The following CA10 variants were observed in gnomAD, a reference collection of about 807,000 sequenced individuals.
The protein encoded by CA10 is carbonic anhydrase 10 (inactive), also known as carbonic anhydrase-related protein 10.
A neutral mutation model predicts 44.2 loss-of-function variants in CA10; 14 were observed. The ratio of observed to expected loss-of-function variants is 0.32; its 90% CI spans 0.21 to 0.50. The LOEUF is 0.50. Among genes scored for constraint, CA10 ranks in the 20% least tolerant of loss-of-function variants. The pLI is 0.99. For synonymous variants in CA10, 159 were observed against 141.6 expected, an observed-to-expected ratio of 1.12 and a Z score of -0.87; for missense variants, 350 against 409.7, an observed-to-expected ratio of 0.85 and a Z score of 1.26.
intron 2 of CA10, among the ~76,000 whole-genome samples, chr17:51,962,514 G>C (rs577003815): frequency 5.9e-5 from 9 of 152,138 alleles, no homozygotes; most frequent in Non-Finnish European, 8.8e-5. Flanking sequence ...GCTTCTACTG[G>C]TAAACAAGAA....
intron 3 of CA10, among the ~76,000 whole-genome samples, chr17:51,913,907 A>G (rs1271810162): frequency 3.3e-5 from 5 of 152,150 alleles, no homozygotes; most frequent in African/African-American, 9.7e-5. Flanking sequence ...TTAAATTTCC[A>G]TCTATTACCA....
At chr17:51,635,597 A>G (rs1373376656) in intron 7 of CA10, among the ~76,000 whole-genome samples, 1 of 152,116 alleles carries the variant, frequency 6.6e-6, no homozygotes, top group Non-Finnish European at 1.5e-5. Context: ...TCAGCAAACC[A>G]CTAGAAGCTA....
intron 2 of CA10, among the ~76,000 whole-genome samples, chr17:52,071,784 C>A (rs922773724): frequency 1.3e-5 from 2 of 152,176 alleles, no homozygotes; most frequent in African/African-American, 4.8e-5. Flanking sequence ...GGAGGAGACA[C>A]AGGGACCCTC....
At chr17:52,032,507 T>G (rs1986497923) in intron 2 of CA10, among the ~76,000 whole-genome samples, 1 of 152,144 alleles carries the variant, frequency 6.6e-6, no homozygotes, top group African/African-American at 2.4e-5. Context: ...TTCTTTTCCT[T>G]TAGTTACTGT....
At position 51,779,223 on chromosome 17, in the gene CA10, G is replaced by A. The variant is rs538587833; in HGVS notation, c.280-31405C>T. Among the ~76,000 whole-genome samples the A allele has an allele frequency of 3.2e-4, 49 of 152,190 alleles. No individual in the cohort carries two copies. The South Asian group carries it at 3.5e-3, about 11-fold the overall frequency. Reference sequence around the variant, plus strand: ...GCCCTGTGGAGGGGCCTGGTGTCTCGGGGCTCCCTGTTTGTTACCCCTGCT... The same window carrying A: ...GCCCTGTGGAGGGGCCTGGTGTCTCAGGGCTCCCTGTTTGTTACCCCTGCT... On this transcript the variant is annotated intron_variant, in intron 3 of 8. Transcript: ENST00000451037.
chr17:52,073,582 A>G (rs1442091340), intron 1 of CA10, among the ~76,000 whole-genome samples: 1 of 152,168 alleles, frequency 6.6e-6, no homozygotes, highest in Non-Finnish European at 1.5e-5. Flanking sequence ...AAGAGAGACA[A>G]AGAGCTTATT....
chr17:51,965,317 C>T (rs1984040929), intron 2 of CA10, among the ~76,000 whole-genome samples: 2 of 151,868 alleles, frequency 1.3e-5, no homozygotes, highest in South Asian at 2.1e-4. Context: ...AAGCTAGTAT[C>T]AATTTTACTG....
At chr17:52,101,126 A>T (rs1291676042) in intron 1 of CA10, among the ~76,000 whole-genome samples, 2 of 152,076 alleles carry the variant, frequency 1.3e-5, no homozygotes, top group Admixed American at 1.3e-4. Flanking sequence ...TGCTGGCAGG[A>T]TTTTTTTGGG....
At chr17:51,969,456 T>C (rs1416043627) in intron 2 of CA10, among the ~76,000 whole-genome samples, 1 of 152,074 alleles carries the variant, frequency 6.6e-6, no homozygotes, top group Non-Finnish European at 1.5e-5. Context: ...TACACCACAC[T>C]GATAGTTTTC....
chr17:52,063,824 C>T (rs986658277), intron 2 of CA10, among the ~76,000 whole-genome samples: 16 of 152,254 alleles, frequency 1.1e-4, no homozygotes, highest in Admixed American at 6.5e-4. Context: ...TATTCATTTA[C>T]GGAAACACAA....
At chr17:51,995,350 A>G (rs1261262172) in intron 2 of CA10, among the ~76,000 whole-genome samples, 3 of 152,100 alleles carry the variant, frequency 2.0e-5, no homozygotes, top group Admixed American at 6.6e-5. Flanking sequence ...CGTACTACAA[A>G]TAAGTTAAAA....
intron 1 of CA10, among the ~76,000 whole-genome samples, chr17:52,081,583 G>T (rs1401208609): frequency 6.6e-6 from 1 of 151,984 alleles, no homozygotes; most frequent in Non-Finnish European, 1.5e-5. Flanking sequence ...GGCGGATCAC[G>T]AGGTCAGGAG....
chr17:51,713,801 G>T (rs1006884480), intron 4 of CA10, among the ~76,000 whole-genome samples: 1 of 152,172 alleles, frequency 6.6e-6, no homozygotes, highest in Non-Finnish European at 1.5e-5. Flanking sequence ...AGTCTCCCAG[G>T]AATCTGAATT....
At chr17:51,901,465 C>T (rs1981313439) in intron 3 of CA10, among the ~76,000 whole-genome samples, 1 of 152,082 alleles carries the variant, frequency 6.6e-6, no homozygotes, top group Non-Finnish European at 1.5e-5. Context: ...GGGCAGTGGC[C>T]ATGGGATCTG....
At chr17:51,965,182 C>T (rs1434425914) in intron 2 of CA10, among the ~76,000 whole-genome samples, 1 of 151,784 alleles carries the variant, frequency 6.6e-6, no homozygotes, top group Non-Finnish European at 1.5e-5. Flanking sequence ...GAACAACCTC[C>T]CATGACTGAA....
At chr17:51,985,708 A>G (rs1984809956) in intron 2 of CA10, among the ~76,000 whole-genome samples, 1 of 152,046 alleles carries the variant, frequency 6.6e-6, no homozygotes, top group African/African-American at 2.4e-5. Context: ...CTATACACCA[A>G]TAACAACCAA....
At chr17:52,026,559 G>T (rs909209741) in intron 2 of CA10, among the ~76,000 whole-genome samples, 1 of 152,070 alleles carries the variant, frequency 6.6e-6, no homozygotes, top group African/African-American at 2.4e-5. Context: ...AAGGAAAGAG[G>T]TTTCATTGAG....
chr17:51,761,687 G>A (rs1905220539), intron 3 of CA10: 1 of 152,036 alleles, frequency 6.6e-6, no homozygotes, highest in Admixed American at 6.5e-5. Context: ...TATGCATTTG[G>A]TATTTCACAT....
chr17:51,879,655 A>G (rs1214650144), intron 3 of CA10, among the ~76,000 whole-genome samples: 1 of 152,226 alleles, frequency 6.6e-6, no homozygotes, highest in East Asian at 1.9e-4. Flanking sequence ...TGAGGACCAG[A>G]GAACAGAGTG....
Sources: allele counts gnomAD v4.1 joint callset (sites outside exome capture counted in the v4.1 genomes callset), GRCh38; gene constraint gnomAD v4.1.1; transcripts MANE v1.5; gene names NCBI Gene and HGNC (gene_info 2026-07-23, HGNC 2026-07-21).